Variants in TRIM2 observed in about 807,000 individuals in gnomAD.
TRIM2 encodes tripartite motif-containing protein 2.
A neutral mutation model predicts 75.2 loss-of-function variants in TRIM2; 20 were observed. That is an observed-to-expected ratio of 0.27 (90% CI 0.19 to 0.39). TRIM2 has a LOEUF of 0.39. TRIM2 is among the 10% of genes least tolerant of loss of function. The pLI is 1.00. For missense variants in TRIM2, 660 were observed against 990.8 expected (o/e 0.67, Z 4.48); for synonymous variants, 373 against 388.3 (o/e 0.96, Z 0.46).
intron 1 of TRIM2, among the ~76,000 whole-genome samples, chr4:153,212,745 G>A (rs1000463504): frequency 2.0e-5 from 3 of 152,222 alleles, no homozygotes; most frequent in Admixed American, 6.5e-5. Context: ...CTCTTGCCAA[G>A]TCTTGTTTGT....
At chr4:153,152,311 G>A, upstream of TRIM2, 1 of 152,034 alleles carries the variant, frequency 6.6e-6, no homozygotes, top group Non-Finnish European at 1.5e-5. Context: ...CGCGGGGAAG[G>A]GCTCTCTGGG....
At chr4:153,253,881 A>T (rs1579014501) in intron 1 of TRIM2, among the ~76,000 whole-genome samples, 1 of 152,164 alleles carries the variant, frequency 6.6e-6, no homozygotes, top group Non-Finnish European at 1.5e-5. Flanking sequence ...TAACCATGTA[A>T]ATGGGGAACC....
intron 1 of TRIM2, among the ~76,000 whole-genome samples, chr4:153,251,189 C>G (rs1030949452): frequency 6.6e-6 from 1 of 152,220 alleles, no homozygotes; most frequent in African/African-American, 2.4e-5. Context: ...TAAAACCTCC[C>G]CCACAGCCAC....
chr4:153,257,367 G>C (rs1288393992), intron 1 of TRIM2: 2 of 1,112,404 alleles, frequency 1.8e-6, no homozygotes, highest in Non-Finnish European at 2.2e-6. Context: ...CCCTTGCCTG[G>C]TTTGCTGCAG....
intron 2 of TRIM2, among the ~76,000 whole-genome samples, chr4:153,272,343 T>C (rs1579212981): frequency 6.6e-6 from 1 of 152,138 alleles, no homozygotes; most frequent in East Asian, 1.9e-4. Flanking sequence ...AGAGACGAGG[T>C]TTCACTGTGT....
chr4:153,301,328 C>A (rs1763879143), intron 6 of TRIM2, among the ~76,000 whole-genome samples: 1 of 152,168 alleles, frequency 6.6e-6, no homozygotes, highest in Non-Finnish European at 1.5e-5. Flanking sequence ...CACACCCAGC[C>A]AACCTTTGCC....
chr4:153,323,999 A>T (rs1769570723), intron 9 of TRIM2, 79 bp from the exon 10 acceptor site: 2 of 1,099,892 alleles, frequency 1.8e-6, no homozygotes, highest in Non-Finnish European at 1.4e-6. Context: ...TAATATATTA[A>T]GTTTGTTTGT....
Position 153,276,142 on chromosome 4 carries a change from G to C in TRIM2, c.453+12G>C, listed in dbSNP as rs754232385. 6.2e-7 allele frequency: 1 copy of C among 1,610,364 alleles called. No individual in the cohort carries two copies. The highest frequency in any genetic ancestry group is 1.1e-5 in the South Asian group (1 of 91,004). ...ACCACGATGGGAATGTAAGTGGCTGGGATGGCAGATACTGCCCGGGAGCAT... is the reference window on the plus strand; with the variant it reads ...ACCACGATGGGAATGTAAGTGGCTGCGATGGCAGATACTGCCCGGGAGCAT... On this transcript the variant is annotated intron_variant, in intron 3 of 11. Coordinates refer to ENST00000338700, the MANE Select transcript of TRIM2 (RefSeq NM_015271.5).
rs533973977 is a variant in TRIM2 at position 153,218,505 on chromosome 4, G to T, written c.30+13945G>T. Among the ~76,000 whole-genome samples, 4 of 152,196 alleles carry T rather than the reference G, an allele frequency of 2.6e-5. No individual in the cohort carries two copies. In the East Asian group the frequency reaches 7.7e-4, roughly 29 times the overall value. On this transcript the variant is annotated intron_variant, in intron 1 of 11. Transcript: ENST00000338700. ...GATTCAGGTGTGAGCCACTGTGCCC[G>T]ATCTATTTTATTCTTTATACTTTTA...
intron 10 of TRIM2, chr4:153,324,459 G>T: frequency 1.9e-5 from 4 of 209,276 alleles, no homozygotes; most frequent in Non-Finnish European, 3.8e-5. Context: ...AATGTTTTGT[G>T]GCTAGTCAAT....
At position 153,315,466 on chromosome 4, in the gene TRIM2, A is replaced by AT. The variant is rs1301649917; in HGVS notation, c.1511-15dup. 6.3e-7 allele frequency: 1 copy of AT among 1,579,070 alleles called. No homozygotes were observed. The highest frequency in any genetic ancestry group is 8.6e-7 in the Non-Finnish European group (1 of 1,163,190). ...AACCCTTTAGTGCTTAATTTTTATG[A>AT]TTTTATCATTTATTTTAGGTACCAA... On this transcript the variant is annotated intron_variant, in intron 6 of 11. Transcript: ENST00000338700.
intron 6 of TRIM2, among the ~76,000 whole-genome samples, chr4:153,311,267 A>C (rs1220863180): frequency 6.6e-6 from 1 of 152,118 alleles, no homozygotes; most frequent in African/African-American, 2.4e-5. Flanking sequence ...CTCCAACATC[A>C]TGTCCATATT....
Position 153,336,776 on chromosome 4 carries a change from C to T in TRIM2, c.*1810C>T, listed in dbSNP as rs1349059285. On this transcript the variant is annotated 3_prime_UTR_variant, in exon 12 of 12. Transcript: ENST00000338700. ...CAAATTGTCTGTTAAATTTATTATG[C>T]CCAAATCAACCTCTGAAAAAAGGTT... The T allele has an allele frequency of 1.0e-6, 1 of 985,356 alleles. No individual in the cohort carries two copies. The allele number at this position is 985,356 out of a possible 1,614,324, so 61.0% of individuals were successfully genotyped here.
intron 6 of TRIM2, chr4:153,307,945 G>T: frequency 2.6e-6 from 2 of 755,266 alleles, no homozygotes; most frequent in South Asian, 2.7e-5. Context: ...GAGTCGTACA[G>T]CCGGTCAGCG....
Position 153,293,094 on chromosome 4 carries a change from A to G in TRIM2, c.566A>G (p.Lys189Arg). The G allele has an allele frequency of 6.2e-7, 1 of 1,612,730 alleles. No individual in the cohort carries two copies. Among genetic ancestry groups the G allele is most frequent in the Non-Finnish European group, 8.5e-7 (1 of 1,178,902 alleles). ...VPLKDVVEQH[K>R]ASLQVQLDAV... ...CTCAAGGATGTGGTGGAACAGCACA[A>G]GGCCTCGCTCCAGGTCCAGCTGGAT... is the stretch of plus-strand genomic sequence containing the variant. The change falls in exon 4 of 12, where the codon AAG becomes AGG. Residue 189 changes from lysine (K) to arginine (R), a missense_variant. By Grantham distance (26) the Lys-to-Arg change is conservative. Around this residue, in one of 2 missense-constraint regions of TRIM2, gnomAD observed 620 missense variants for 891.0 expected, o/e 0.70. Transcript: ENST00000338700.
At chr4:153,189,264 C>T (rs1196017586) in intron 1 of TRIM2, among the ~76,000 whole-genome samples, 1 of 152,196 alleles carries the variant, frequency 6.6e-6, no homozygotes, top group Non-Finnish European at 1.5e-5. Flanking sequence ...CACTGCCAAG[C>T]AGGAAATCTA....
chr4:153,157,301 C>A (rs887588480), intron 1 of TRIM2: 15 of 152,186 alleles, frequency 9.9e-5, no homozygotes, highest in African/African-American at 3.4e-4. Flanking sequence ...AAAAGAAAAA[C>A]CCCAAAGCCA....
chr4:153,316,576 G>A (rs911299456), intron 8 of TRIM2, among the ~76,000 whole-genome samples: 3 of 150,654 alleles, frequency 2.0e-5, no homozygotes, highest in Non-Finnish European at 4.4e-5. Flanking sequence ...ATGGGACTTG[G>A]AAAAAAAAAG....
chr4:153,167,363 T>C (rs533430320), intron 1 of TRIM2, among the ~76,000 whole-genome samples: 1 of 152,292 alleles, frequency 6.6e-6, no homozygotes, highest in African/African-American at 2.4e-5. Context: ...TCACAGAATT[T>C]GGCAATAAGA....
Sources: allele counts gnomAD v4.1 joint callset (sites outside exome capture counted in the v4.1 genomes callset), GRCh38; gene constraint gnomAD v4.1.1; regional missense constraint gnomAD v4.1.1; transcripts MANE v1.5; gene names NCBI Gene and HGNC (gene_info 2026-07-23, HGNC 2026-07-21).